ST6GALNAC3: variants seen among roughly 807,000 people sequenced by gnomAD.
ST6GALNAC3 encodes the protein ST6 N-acetylgalactosaminide alpha-2,6-sialyltransferase 3, also known as alpha-N-acetylgalactosaminide alpha-2,6-sialyltransferase 3.
ST6GALNAC3 carries 25 observed loss-of-function variants against 32.7 expected under a neutral mutation model. The observed-to-expected ratio is 0.76, with a 90% CI of 0.56 to 1.07. The LOEUF is 1.07. ST6GALNAC3 is among the 50% of genes least tolerant of loss of function. The pLI is 0.00. For missense variants in ST6GALNAC3, 355 were observed against 382.4 expected (o/e 0.93, Z 0.60); for synonymous variants, 129 against 133.1 (o/e 0.97, Z 0.21).
chr1:76,117,800 AT>A (rs1648581791), intron 1 of ST6GALNAC3, among the ~76,000 whole-genome samples: 1 of 152,184 alleles, frequency 6.6e-6, no homozygotes, highest in African/African-American at 2.4e-5. Flanking sequence ...GGCTGTGTGG[AT>A]TCAGACCTGT....
At chr1:76,279,447 T>C (rs527445649) in intron 1 of ST6GALNAC3, among the ~76,000 whole-genome samples, 16 of 152,234 alleles carry the variant, frequency 1.1e-4, no homozygotes, top group Admixed American at 2.0e-4. Flanking sequence ...GACACAGTTA[T>C]TATCAATCAA....
intron 3 of ST6GALNAC3, among the ~76,000 whole-genome samples, chr1:76,613,460 C>G (rs552300996): frequency 3.3e-5 from 5 of 152,290 alleles, no homozygotes; most frequent in Admixed American, 2.6e-4. Flanking sequence ...GGTCAACTAA[C>G]TAGAAAAAGG....
At chr1:76,484,781 C>G (rs145581187) in intron 3 of ST6GALNAC3, among the ~76,000 whole-genome samples, 8 of 152,068 alleles carry the variant, frequency 5.3e-5, no homozygotes, top group East Asian at 1.9e-4. Context: ...TGGTGAGAGA[C>G]GCATCCCTGT....
chr1:76,506,177 C>A (rs1407447533), intron 3 of ST6GALNAC3, among the ~76,000 whole-genome samples: 1 of 152,096 alleles, frequency 6.6e-6, no homozygotes, highest in Non-Finnish European at 1.5e-5. Context: ...GAGGCCCTTG[C>A]AAATTTGTAT....
At chr1:76,420,717 C>T (rs1389111143) in intron 3 of ST6GALNAC3, among the ~76,000 whole-genome samples, 1 of 152,048 alleles carries the variant, frequency 6.6e-6, no homozygotes, top group Non-Finnish European at 1.5e-5. Flanking sequence ...TTACCTCACA[C>T]ATACGTGACT....
chr1:76,130,778 G>A (rs1649558784), intron 1 of ST6GALNAC3, among the ~76,000 whole-genome samples: 1 of 152,226 alleles, frequency 6.6e-6, no homozygotes, highest in South Asian at 2.1e-4. Flanking sequence ...TGAAGGGTGT[G>A]TATTGGGCAG....
intron 1 of ST6GALNAC3, among the ~76,000 whole-genome samples, chr1:76,079,134 G>A (rs953646841): frequency 5.3e-5 from 8 of 152,106 alleles, no homozygotes; most frequent in African/African-American, 1.2e-4. Context: ...GGGCCCCAGA[G>A]CCCTTGTCAG....
At chr1:76,317,077 GA>G (rs1469949502) in intron 2 of ST6GALNAC3, among the ~76,000 whole-genome samples, 1 of 152,116 alleles carries the variant, frequency 6.6e-6, no homozygotes, top group Non-Finnish European at 1.5e-5. Context: ...AATTTTGCAT[GA>G]AAGTTGAAAA....
intron 2 of ST6GALNAC3, among the ~76,000 whole-genome samples, chr1:76,324,888 CT>C (rs955585312): frequency 6.6e-6 from 1 of 151,796 alleles, no homozygotes; most frequent in African/African-American, 2.4e-5. Context: ...ATAAGGTTTG[CT>C]TTTTTTATTA....
At chr1:76,325,026 A>T (rs9437425) in intron 2 of ST6GALNAC3, among the ~76,000 whole-genome samples, 76,808 of 152,084 alleles carry the variant, frequency 0.51, 21,398 homozygotes, top group East Asian at 0.84. Context: ...CACTGCATGT[A>T]CTCACTCATA....
intron 1 of ST6GALNAC3, among the ~76,000 whole-genome samples, chr1:76,121,067 A>G (rs895762752): frequency 6.6e-6 from 1 of 152,110 alleles, no homozygotes; most frequent in Non-Finnish European, 1.5e-5. Flanking sequence ...GCTTTCCCTT[A>G]TAGGGATCCC....
rs2706181 is a variant in ST6GALNAC3, at chr1:76,220,455, A to G, written c.19-93350A>G. On this transcript the variant is annotated intron_variant, in intron 1 of 4. Coordinates refer to ENST00000328299, the MANE Select transcript of ST6GALNAC3 (RefSeq NM_152996.4). ...GCCTGCATGCATGATTAATTGAGAC[A>G]ATCATTCCATTTAACTAATATTTGA... is the stretch of plus-strand genomic sequence containing the variant. Among the ~76,000 whole-genome samples, 1,280 of 152,336 alleles carry G rather than the reference A, an allele frequency of 8.4e-3. 22 individuals are homozygous for G. The highest frequency in any genetic ancestry group is 0.029 in the African/African-American group (1,224 of 41,574).
intron 1 of ST6GALNAC3, among the ~76,000 whole-genome samples, chr1:76,300,240 C>T (rs909154115): frequency 2.6e-5 from 4 of 152,028 alleles, no homozygotes. Context: ...CAGAAATTCT[C>T]ACCCTATTTC....
chr1:76,274,438 C>T (rs1205682666), intron 1 of ST6GALNAC3, among the ~76,000 whole-genome samples: 2 of 152,176 alleles, frequency 1.3e-5, no homozygotes, highest in African/African-American at 4.8e-5. Context: ...TCCCAATCTC[C>T]TGTAATTCAG....
At chr1:76,467,325 T>C (rs369021346) in intron 3 of ST6GALNAC3, among the ~76,000 whole-genome samples, 2 of 152,054 alleles carry the variant, frequency 1.3e-5, no homozygotes, top group East Asian at 3.9e-4. Flanking sequence ...GTAGGCTTTT[T>C]GGAAGGGGCT....
At chr1:76,500,579 G>C (rs1039617909) in intron 3 of ST6GALNAC3, among the ~76,000 whole-genome samples, 31 of 152,142 alleles carry the variant, frequency 2.0e-4, no homozygotes, top group African/African-American at 7.2e-4. Flanking sequence ...ACTAATCTGT[G>C]ATAAATTTAT....
intron 3 of ST6GALNAC3, among the ~76,000 whole-genome samples, chr1:76,440,177 TG>T (rs113589351): frequency 1.3e-5 from 2 of 152,308 alleles, no homozygotes; most frequent in African/African-American, 4.8e-5. Context: ...AGACGAAGCA[TG>T]GAAGTATGAA....
intron 3 of ST6GALNAC3, among the ~76,000 whole-genome samples, chr1:76,625,963 G>A (rs1225905708): frequency 6.6e-6 from 1 of 151,872 alleles, no homozygotes; most frequent in Admixed American, 6.6e-5. Context: ...GTGTATCCTT[G>A]TAAATCACCC....
intron 3 of ST6GALNAC3, among the ~76,000 whole-genome samples, chr1:76,533,655 C>T (rs1663409391): frequency 6.6e-6 from 1 of 152,146 alleles, no homozygotes; most frequent in African/African-American, 2.4e-5. Context: ...CTCATCCTGT[C>T]CCCTTACCCA....
Sources: allele counts gnomAD v4.1 joint callset (sites outside exome capture counted in the v4.1 genomes callset), GRCh38; gene constraint gnomAD v4.1.1; transcripts MANE v1.5; gene names NCBI Gene and HGNC (gene_info 2026-07-23, HGNC 2026-07-21).